SETD3: variants seen among roughly 807,000 people sequenced by gnomAD.
SETD3 encodes actin-histidine N-methyltransferase.
A neutral mutation model predicts 63.0 loss-of-function variants in SETD3; 19 were observed. The ratio of observed to expected loss-of-function variants is 0.30; its 90% CI spans 0.21 to 0.44. SETD3 has a LOEUF of 0.44. SETD3 is among the 20% of genes least tolerant of loss of function. The probability of loss-of-function intolerance (pLI) is 1.00; values close to 1 mark genes in which losing one functional copy is unlikely to be tolerated. For synonymous variants in SETD3, 286 were observed against 264.1 expected (o/e 1.08, Z -0.80); for missense variants, 587 against 728.5 (o/e 0.81, Z 2.24).
intron 3 of SETD3, among the ~76,000 whole-genome samples, chr14:99,462,040 G>A (rs1313730783): frequency 6.6e-6 from 1 of 152,182 alleles, no homozygotes; most frequent in African/African-American, 2.4e-5. Flanking sequence ...ACCCTGCAAG[G>A]AGGGAGGGAA....
intron 6 of SETD3, among the ~76,000 whole-genome samples, chr14:99,453,237 T>TA (rs1466765629): frequency 2.0e-5 from 3 of 152,176 alleles, no homozygotes; most frequent in African/African-American, 7.2e-5. Context: ...GATGAGAAAA[T>TA]ACGACACTTT....
At chr14:99,404,172 T>C (rs1466453759) in intron 11 of SETD3, 53 bp downstream of exon 11, 25 of 1,468,928 alleles carry the variant, frequency 1.7e-5, no homozygotes, top group Non-Finnish European at 2.2e-5. Context: ...CTTTACACTT[T>C]CATGATTTAA....
At position 99,463,597 on chromosome 14, in the gene SETD3, G is replaced by A; in HGVS notation, c.104-19C>T. 6.3e-7 allele frequency: 1 copy of A among 1,592,986 alleles called. No homozygotes were observed. The highest frequency in any genetic ancestry group is 2.2e-5 in the East Asian group (1 of 44,768). The stretch of plus-strand genomic sequence containing the variant: ...CTGCATTCTGTAACATAAGAGGCAT[G>A]GTACTGAAACACTTCTCTCTTTCAA... On this transcript the variant is annotated intron_variant, in intron 2 of 12. Transcript: ENST00000331768.
intron 8 of SETD3, 89 bp downstream of exon 8, chr14:99,412,862 C>T (rs2139642317): frequency 2.2e-6 from 2 of 920,596 alleles, no homozygotes; most frequent in South Asian, 1.4e-5. Context: ...GGGGGGAGTA[C>T]GATGGGTAGG....
At chr14:99,439,635 T>G (rs1462086039) in intron 6 of SETD3, among the ~76,000 whole-genome samples, 1 of 147,968 alleles carries the variant, frequency 6.8e-6, no homozygotes, top group Non-Finnish European at 1.5e-5. Flanking sequence ...ATTTATATTT[T>G]TATATATACA....
intron 1 of SETD3, among the ~76,000 whole-genome samples, chr14:99,471,075 A>T (rs1328508650): frequency 6.6e-6 from 1 of 152,196 alleles, no homozygotes; most frequent in African/African-American, 2.4e-5. Context: ...ACACTTCCAC[A>T]GCACAGTCCC....
intron 12 of SETD3, among the ~76,000 whole-genome samples, 173 bp downstream of exon 12, chr14:99,399,924 TAG>T (rs1891297262): frequency 6.6e-6 from 1 of 151,992 alleles, no homozygotes; most frequent in Middle Eastern, 3.2e-3. Context: ...GTATTTTTAG[TAG>T]AGACGGGGTT....
chr14:99,452,975 C>A (rs966721064), intron 6 of SETD3, among the ~76,000 whole-genome samples: 1 of 152,186 alleles, frequency 6.6e-6, no homozygotes, highest in African/African-American at 2.4e-5. Flanking sequence ...GAGCACCCTG[C>A]CAAATGATCT....
intron 10 of SETD3, 31 bp from the exon 11 acceptor site, chr14:99,404,341 C>T (rs1431695496): frequency 6.3e-7 from 1 of 1,599,282 alleles, no homozygotes; most frequent in Admixed American, 1.7e-5. Flanking sequence ...GATCAGTCAC[C>T]CTGCTGCGGT....
At chr14:99,413,792 C>A in intron 7 of SETD3, 84 bp downstream of exon 7, 2 of 1,316,604 alleles carry the variant, frequency 1.5e-6, no homozygotes, top group East Asian at 4.6e-5. Context: ...TCACTTCTCA[C>A]TGAAGCCCTT....
chr14:99,462,471 G>A (rs1289525039), intron 3 of SETD3, among the ~76,000 whole-genome samples: 1 of 152,210 alleles, frequency 6.6e-6, no homozygotes, highest in Non-Finnish European at 1.5e-5. Context: ...GAAGATACCT[G>A]CTAAATGGCG....
At chr14:99,447,215 T>C (rs1262965074) in intron 6 of SETD3, among the ~76,000 whole-genome samples, 1 of 152,128 alleles carries the variant, frequency 6.6e-6, no homozygotes, top group Middle Eastern at 3.2e-3. Flanking sequence ...TCAGGTGATC[T>C]GCCCACCTCA....
At position 99,399,293 on chromosome 14, in the gene SETD3, C is replaced by T. The variant is rs557617022; in HGVS notation, c.1339-168G>A. On this transcript the variant is annotated intron_variant, in intron 12 of 12. Transcript: ENST00000331768. The stretch of plus-strand genomic sequence containing the variant: ...GCATGACCAGACACTCACATCAAAA[C>T]GTACGCTTCAGAAGTATGCCTTTCA... 2.2e-4 allele frequency among the ~76,000 whole-genome samples: 33 copies of T among 152,302 alleles called. No individual in the cohort carries two copies. The Middle Eastern group carries it at 0.014, about 63-fold the overall frequency.
At chr14:99,420,821 CAACTCACCCCG>C (rs1207188634) in intron 6 of SETD3, among the ~76,000 whole-genome samples, 3 of 151,806 alleles carry the variant, frequency 2.0e-5, no homozygotes, top group Non-Finnish European at 4.4e-5. Context: ...GCCCCACCCC[CAACTCACCCCG>C]AACATGTAGC....
At chr14:99,454,627 G>C (rs894550770) in intron 6 of SETD3, among the ~76,000 whole-genome samples, 4 of 152,208 alleles carry the variant, frequency 2.6e-5, no homozygotes, top group African/African-American at 9.7e-5. Flanking sequence ...AATGAGCACT[G>C]TGTGCTAGGC....
chr14:99,401,259 T>C (rs966568139), intron 11 of SETD3, among the ~76,000 whole-genome samples: 1 of 152,192 alleles, frequency 6.6e-6, no homozygotes, highest in African/African-American at 2.4e-5. Flanking sequence ...TCCAAATATA[T>C]TTAAGAAGAG....
chr14:99,411,822 C>T (rs974863137), intron 8 of SETD3: 3 of 152,124 alleles, frequency 2.0e-5, no homozygotes, highest in Admixed American at 1.3e-4. Flanking sequence ...ATTAAATTAA[C>T]CATATCTAAA....
chr14:99,476,958 C>A (rs1280611779), intron 1 of SETD3, among the ~76,000 whole-genome samples: 1 of 151,670 alleles, frequency 6.6e-6, no homozygotes, highest in Non-Finnish European at 1.5e-5. Context: ...TTTTTTTGTC[C>A]TTCTAAAAAA....
At chr14:99,475,818 C>G (rs555306022) in intron 1 of SETD3, among the ~76,000 whole-genome samples, 11 of 152,320 alleles carry the variant, frequency 7.2e-5, no homozygotes, top group African/African-American at 2.2e-4. Context: ...TGCACATTTC[C>G]TGAGAATCTA....
Sources: allele counts gnomAD v4.1 joint callset (sites outside exome capture counted in the v4.1 genomes callset), GRCh38; gene constraint gnomAD v4.1.1; transcripts MANE v1.5; gene names NCBI Gene and HGNC (gene_info 2026-07-23, HGNC 2026-07-21).